CFAP43: variants seen among roughly 807,000 people sequenced by gnomAD.
The protein encoded by CFAP43 is cilia and flagella associated protein 43.
Under a neutral mutation model 218.9 loss-of-function variants are expected in CFAP43, and 155 were observed. That is an observed-to-expected ratio of 0.71 (90% confidence interval 0.62 to 0.81). The LOEUF (loss-of-function observed/expected upper bound fraction) is 0.81, where lower values mean the gene tolerates loss of function less well. Among genes scored for constraint, CFAP43 ranks in the 30% least tolerant of loss-of-function variants. The pLI is 0.00. For synonymous variants in CFAP43, 645 were observed against 681.3 expected, an observed-to-expected ratio of 0.95 and a Z score of 0.83; for missense variants, 1,778 against 1,954.3, an observed-to-expected ratio of 0.91 and a Z score of 1.70.
At chr10:104,168,608 A>G (rs982035391) in intron 21 of CFAP43, 136 bp downstream of exon 21, 27 of 660,130 alleles carry the variant, frequency 4.1e-5, no homozygotes, top group Non-Finnish European at 6.8e-5. Flanking sequence ...TCCAGGTGAA[A>G]TTCAGTATAG....
intron 17 of CFAP43, among the ~76,000 whole-genome samples, chr10:104,181,656 G>A (rs939976587): frequency 2.2e-4 from 34 of 151,906 alleles, no homozygotes; most frequent in African/African-American, 8.0e-4. Flanking sequence ...TCTTTTTTAG[G>A]TCCTAACATA....
intron 5 of CFAP43, 152 bp downstream of exon 5, chr10:104,211,855 T>C: frequency 1.2e-6 from 1 of 810,790 alleles, no homozygotes; most frequent in Non-Finnish European, 1.8e-6. Context: ...AGAGTCTTCA[T>C]CTCTCACAGT....
In CFAP43 at chr10:104,225,524, A is replaced by C. The variant is rs2091285443; in HGVS notation, c.353T>G (p.Phe118Cys). ...AGCCAGGTAGGTGCCACAGTAACTG[A>C]ATGAAAGTAAAGTGTAGTCCAGGAG... Reference protein sequence around the residue: ...NILLDYTLLSFSYCGTYLASY... With the variant: ...NILLDYTLLSCSYCGTYLASY... The change falls in exon 3 of 38, where the codon TTC becomes TGC. Residue 118 changes from phenylalanine to cysteine, a missense_variant. Phe to Cys is a radical substitution (Grantham distance 205). This residue lies in a region of CFAP43 where 1,553 missense variants were observed against 1,685.2 expected (regional missense o/e 0.92). Coordinates refer to ENST00000357060, the MANE Select transcript of CFAP43 (RefSeq NM_025145.7). The C allele has an allele frequency of 4.3e-5, 70 of 1,612,766 alleles. No individual in the cohort carries two copies. Among genetic ancestry groups the C allele is most frequent in the Non-Finnish European group, 5.7e-5 (67 of 1,179,306 alleles).
At chr10:104,164,347 T>G in intron 23 of CFAP43, 47 bp from the exon 24 acceptor site, 1 of 1,366,300 alleles carries the variant, frequency 7.3e-7, no homozygotes, top group Non-Finnish European at 1.0e-6. Context: ...ATTATATCTT[T>G]ACTGGTAACA....
In CFAP43 at chr10:104,205,212, CAAAAAAAAAAA is replaced by C. The variant is rs71022723; in HGVS notation, c.963+740_963+750del. On this transcript the variant is annotated intron_variant, in intron 7 of 37. Coordinates refer to ENST00000357060, the MANE Select transcript of CFAP43 (RefSeq NM_025145.7). ...TGGGAGACAGAGCGAGACTCCGTCTCAAAAAAAAAAAAAAAAAAAAAAAGAAAAGAAAAGAA... is the reference window on the plus strand; with the variant it reads ...TGGGAGACAGAGCGAGACTCCGTCTCAAAAAAAAAAAAGAAAAGAAAAGAA... Among the ~76,000 whole-genome samples, 38 of 56,552 alleles carry C rather than the reference CAAAAAAAAAAA, an allele frequency of 6.7e-4. No homozygotes were observed. The East Asian group carries it at 0.016, about 24-fold the overall frequency. 37.1% of individuals were successfully genotyped at this position (56,552 alleles called of 152,430 possible).
chr10:104,159,119 T>G lies in CFAP43; in HGVS notation c.3540+1918A>C, dbSNP rs547083622. ...CGGAAGCTGGATAAAGGGGTCATTA[T>G]ACTGTTCTCTCTATTTTTATACATG... On this transcript the variant is annotated intron_variant, in intron 27 of 37. Coordinates refer to ENST00000357060, the MANE Select transcript of CFAP43 (RefSeq NM_025145.7). Among the ~76,000 whole-genome samples the G allele has an allele frequency of 5.3e-5, 8 of 152,282 alleles. No individual in the cohort carries two copies. In the South Asian group the frequency reaches 1.4e-3, roughly 28 times the overall value.
chr10:104,154,337 C>G (rs963444242), intron 27 of CFAP43, among the ~76,000 whole-genome samples: 1 of 151,916 alleles, frequency 6.6e-6, no homozygotes, highest in East Asian at 1.9e-4. Context: ...AGACTGATTC[C>G]GGGAGGATAA....
rs1261702280 is a variant in CFAP43 at position 104,166,646 on chromosome 10, C to A, written c.2881G>T (p.Glu961Ter). ...IKQRHEEDDE[E>*]EEEEDKTVKY... The stretch of plus-strand genomic sequence containing the variant: ...ACTGTCTTGTCTTCCTCTTCCTCTT[C>A]TTCATCATCCTCTTCATGACGCTGT... Residue 961 changes from glutamate (E) to a stop codon, truncating the protein, a stop_gained, in exon 23 of 38, where the codon GAA becomes TAA. Transcript: ENST00000357060. LOFTEE classifies it high-confidence loss of function. 1.9e-6 allele frequency: 3 copies of A among 1,614,056 alleles called. No individual in the cohort carries two copies. The African/African-American group carries it at 4.0e-5, about 22-fold the overall frequency.
At chr10:104,153,072 G>A in intron 27 of CFAP43, among the ~76,000 whole-genome samples, 1 of 152,010 alleles carries the variant, frequency 6.6e-6, no homozygotes, top group East Asian at 1.9e-4. Context: ...ACATGATTTA[G>A]CCCTAAAAAA....
Position 104,130,275 on chromosome 10 carries a change from T to A in CFAP43, c.4862A>T (p.Lys1621Ile). The A allele has an allele frequency of 6.2e-7, 1 of 1,611,720 alleles. No homozygotes were observed. Among genetic ancestry groups the A allele is most frequent in the Non-Finnish European group, 8.5e-7 (1 of 1,179,620 alleles). The change falls in exon 38 of 38, where the codon AAA becomes ATA. Residue 1621 changes from lysine to isoleucine, a missense_variant. Lys to Ile is a moderately radical substitution (Grantham distance 102). Transcript: ENST00000357060. The part of the protein sequence containing the change: ...GSKLTCEKIV[K>I]ERYENMMQQQ... ...TTGCATCATGTTTTCATACCGTTCTTTGACAATCTTTTCACAAGTCAGTTT... is the reference window on the plus strand; with the variant it reads ...TTGCATCATGTTTTCATACCGTTCTATGACAATCTTTTCACAAGTCAGTTT...
intron 3 of CFAP43, among the ~76,000 whole-genome samples, chr10:104,224,615 C>T (rs936579965): frequency 4.0e-5 from 6 of 151,450 alleles, no homozygotes; most frequent in African/African-American, 1.5e-4. Context: ...ATTAGCTGGT[C>T]ATGATGGCGG....
At chr10:104,158,453 T>C (rs2088693207) in intron 27 of CFAP43, among the ~76,000 whole-genome samples, 2 of 152,160 alleles carry the variant, frequency 1.3e-5, no homozygotes, top group Non-Finnish European at 2.9e-5. Flanking sequence ...TCAGAAATAC[T>C]GCACCTAAAT....
intron 3 of CFAP43, among the ~76,000 whole-genome samples, chr10:104,224,316 T>G (rs2091255928): frequency 1.3e-5 from 2 of 152,026 alleles, no homozygotes; most frequent in South Asian, 4.2e-4. Context: ...ATGCTGGGAT[T>G]ACAGGTGTGA....
chr10:104,178,361 C>T (rs1281919892), intron 19 of CFAP43, among the ~76,000 whole-genome samples: 2 of 151,962 alleles, frequency 1.3e-5, no homozygotes, highest in African/African-American at 4.8e-5. Context: ...AAGGGCTTAC[C>T]CAAAACAAAG....
chr10:104,189,003 A>C (rs1039530186), intron 12 of CFAP43, among the ~76,000 whole-genome samples: 2 of 152,202 alleles, frequency 1.3e-5, no homozygotes, highest in African/African-American at 4.8e-5. Context: ...GGCGGTCAGC[A>C]GATGACCTTC....
chr10:104,188,950 T>C (rs929255883), intron 12 of CFAP43, among the ~76,000 whole-genome samples: 1 of 152,184 alleles, frequency 6.6e-6, no homozygotes, highest in Non-Finnish European at 1.5e-5. Flanking sequence ...CCATTCTTCA[T>C]GGGACTGTGC....
intron 26 of CFAP43, among the ~76,000 whole-genome samples, chr10:104,161,618 T>C (rs1185981100): frequency 2.0e-5 from 3 of 152,180 alleles, no homozygotes; most frequent in Non-Finnish European, 4.4e-5. Flanking sequence ...AAATTTATTA[T>C]CTGTCTAACG....
intron 3 of CFAP43, among the ~76,000 whole-genome samples, chr10:104,218,077 A>G (rs1589803700): frequency 6.6e-6 from 1 of 152,190 alleles, no homozygotes; most frequent in East Asian, 1.9e-4. Context: ...GGCCGGGCGC[A>G]GTGGCTCACG....
At chr10:104,147,866 T>G in intron 29 of CFAP43, 25 bp downstream of exon 29, 1 of 1,520,926 alleles carries the variant, frequency 6.6e-7, no homozygotes, top group South Asian at 1.2e-5. Context: ...AATGCTTGTA[T>G]TCAGATTTCA....
Sources: gnomAD v4.1 joint callset for allele counts (sites outside exome capture counted in the v4.1 genomes callset) on GRCh38, gnomAD v4.1.1 for gene constraint, gnomAD v4.1.1 regional missense constraint, MANE v1.5 for transcripts, NCBI Gene and HGNC (gene_info 2026-07-23, HGNC 2026-07-21) for gene names.